PDE4D: variants seen among roughly 807,000 people sequenced by gnomAD.
PDE4D encodes the protein 3',5'-cyclic-AMP phosphodiesterase 4D.
A neutral mutation model predicts 87.4 loss-of-function variants in PDE4D; 24 were observed. The observed-to-expected ratio is 0.27, with a 90% CI of 0.20 to 0.39. The LOEUF (loss-of-function observed/expected upper bound fraction) is 0.39, where lower values mean the gene tolerates loss of function less well. PDE4D is among the 10% of genes least tolerant of loss of function. The pLI is 1.00. For synonymous variants in PDE4D, 384 were observed against 383.2 expected (o/e 1.00, Z -0.02); for missense variants, 714 against 1,041.0 (o/e 0.69, Z 4.32).
chr5:59,251,089 A>C (rs1427489254), intron 1 of PDE4D, among the ~76,000 whole-genome samples: 1 of 152,196 alleles, frequency 6.6e-6, no homozygotes, highest in East Asian at 1.9e-4. Flanking sequence ...AAGATGACCT[A>C]GGCAATCCCA....
intron 1 of PDE4D, among the ~76,000 whole-genome samples, chr5:59,412,436 G>A (rs930281662): frequency 6.6e-6 from 1 of 152,262 alleles, no homozygotes; most frequent in South Asian, 2.1e-4. Flanking sequence ...ATTACGCTCT[G>A]CTTAGGGCAA....
intron 2 of PDE4D, among the ~76,000 whole-genome samples, chr5:59,999,727 C>T (rs1763856802): frequency 6.6e-6 from 1 of 151,776 alleles, no homozygotes; most frequent in Admixed American, 6.6e-5. Context: ...GAACAAAATA[C>T]ACCTCCAGGT....
intron 1 of PDE4D, among the ~76,000 whole-genome samples, chr5:59,597,421 A>G (rs1221046734): frequency 1.3e-5 from 2 of 152,134 alleles, no homozygotes; most frequent in African/African-American, 4.8e-5. Flanking sequence ...GACATCTATT[A>G]CACTTCCAAT....
chr5:60,482,097 C>A (rs1198376978), intron 1 of PDE4D, among the ~76,000 whole-genome samples: 1 of 152,116 alleles, frequency 6.6e-6, no homozygotes, highest in Non-Finnish European at 1.5e-5. Flanking sequence ...TGTGTTGGTG[C>A]TTGGAGATGG....
At chr5:60,008,596 T>C (rs1764709113) in intron 2 of PDE4D, among the ~76,000 whole-genome samples, 1 of 151,998 alleles carries the variant, frequency 6.6e-6, no homozygotes, top group Non-Finnish European at 1.5e-5. Context: ...ATTGGGGTCA[T>C]AGCTCTAGCT....
intron 1 of PDE4D, among the ~76,000 whole-genome samples, chr5:59,523,402 G>C (rs1582973423): frequency 6.6e-6 from 1 of 152,206 alleles, no homozygotes; most frequent in East Asian, 1.9e-4. Context: ...ATTTCTATTT[G>C]AATTTCACAT....
At chr5:59,425,843 A>G (rs752939173) in intron 1 of PDE4D, among the ~76,000 whole-genome samples, 1 of 152,126 alleles carries the variant, frequency 6.6e-6, no homozygotes, top group African/African-American at 2.4e-5. Flanking sequence ...CTCTCTCCAC[A>G]ATCATTATTA....
At chr5:59,715,129 G>A (rs750925110) in intron 1 of PDE4D, among the ~76,000 whole-genome samples, 3 of 152,252 alleles carry the variant, frequency 2.0e-5, no homozygotes, top group Non-Finnish European at 2.9e-5. Context: ...TACAGTTGTC[G>A]TGTAGACGAG....
intron 1 of PDE4D, among the ~76,000 whole-genome samples, chr5:59,328,043 T>A (rs1411625211): frequency 6.6e-6 from 1 of 152,168 alleles, no homozygotes; most frequent in African/African-American, 2.4e-5. Flanking sequence ...TAATAGCACA[T>A]GTGGTCCAAG....
intron 1 of PDE4D, among the ~76,000 whole-genome samples, chr5:60,289,368 G>A (rs977892356): frequency 6.6e-6 from 1 of 152,078 alleles, no homozygotes; most frequent in African/African-American, 2.4e-5. Context: ...GCCCTAACTG[G>A]TAAAAAGTTC....
Position 59,479,039 on chromosome 5 carries a change from C to T in PDE4D, c.456-263071G>A, listed in dbSNP as rs114687965. On this transcript the variant is annotated intron_variant, in intron 1 of 14. Coordinates refer to ENST00000340635, the MANE Select transcript of PDE4D (RefSeq NM_001104631.2). ...GCTTTTGGGTGATACACAAGAAACACGTCATAAAATATGACAAAAAAGCAT... is the reference window on the plus strand; with the variant it reads ...GCTTTTGGGTGATACACAAGAAACATGTCATAAAATATGACAAAAAAGCAT... 4.6e-3 allele frequency among the ~76,000 whole-genome samples: 700 copies of T among 152,152 alleles called. 3 individuals carry two copies. Among genetic ancestry groups the T allele is most frequent in the African/African-American group, 0.015 (623 of 41,536 alleles).
intron 1 of PDE4D, among the ~76,000 whole-genome samples, chr5:59,232,088 A>G (rs1755339857): frequency 6.6e-6 from 1 of 152,180 alleles, no homozygotes; most frequent in Non-Finnish European, 1.5e-5. Flanking sequence ...ACTTGAGCCA[A>G]TGAGATTTCA....
At chr5:59,502,142 A>C (rs1225523758) in intron 1 of PDE4D, among the ~76,000 whole-genome samples, 2 of 152,182 alleles carry the variant, frequency 1.3e-5, no homozygotes, top group Non-Finnish European at 2.9e-5. Flanking sequence ...TACTCTTAGA[A>C]GAGAGTAAGC....
At chr5:59,574,617 G>C (rs564219667) in intron 1 of PDE4D, among the ~76,000 whole-genome samples, 4 of 152,252 alleles carry the variant, frequency 2.6e-5, no homozygotes, top group African/African-American at 9.6e-5. Context: ...TTAAGAGAGA[G>C]AGGTATGAAA....
chr5:58,994,932 A>G (rs4513648), intron 6 of PDE4D, among the ~76,000 whole-genome samples: 117,882 of 132,090 alleles, frequency 0.89, 52,662 homozygotes, highest in African/African-American at 0.97. Context: ...CCCCACAACA[A>G]GCCCCAATGT....
intron 1 of PDE4D, among the ~76,000 whole-genome samples, chr5:60,335,622 C>T (rs1757690373): frequency 6.6e-6 from 1 of 152,190 alleles, no homozygotes; most frequent in South Asian, 2.1e-4. Flanking sequence ...AAATAGTAAA[C>T]TCTCCTGGCA....
At chr5:59,454,268 CTT>C (rs1251633350) in intron 1 of PDE4D, among the ~76,000 whole-genome samples, 3 of 152,180 alleles carry the variant, frequency 2.0e-5, no homozygotes, top group Admixed American at 6.5e-5. Context: ...CAAATCTCAT[CTT>C]GATTGTAACT....
intron 1 of PDE4D, among the ~76,000 whole-genome samples, chr5:60,351,029 G>A (rs536923955): frequency 1.1e-4 from 16 of 152,264 alleles, no homozygotes; most frequent in African/African-American, 2.4e-4. Flanking sequence ...CTCAGGTGCC[G>A]TTGCTGATCT....
At position 59,576,908 on chromosome 5, in the gene PDE4D, C is replaced by A. The variant is rs1310794039; in HGVS notation, c.455+316260G>T. Reference sequence around the variant, plus strand: ...AAGACTCAAATGCCTTACTTTAGGACTTGTAAGAGGTCTCTTTCACTGATC... The same window carrying A: ...AAGACTCAAATGCCTTACTTTAGGAATTGTAAGAGGTCTCTTTCACTGATC... On this transcript the variant is annotated intron_variant, in intron 1 of 14. Coordinates refer to ENST00000340635, the MANE Select transcript of PDE4D (RefSeq NM_001104631.2). 3.9e-5 allele frequency among the ~76,000 whole-genome samples: 6 copies of A among 152,256 alleles called. No individual in the cohort carries two copies. The East Asian group carries it at 9.6e-4, about 24-fold the overall frequency.
Sources: allele counts gnomAD v4.1 joint callset (sites outside exome capture counted in the v4.1 genomes callset), GRCh38; gene constraint gnomAD v4.1.1; transcripts MANE v1.5; gene names NCBI Gene and HGNC (gene_info 2026-07-23, HGNC 2026-07-21).